Variants in DNAH14 observed in about 807,000 individuals in gnomAD.
The protein encoded by DNAH14 is axonemal beta dynein heavy chain 14.
DNAH14 carries 478 observed loss-of-function variants against 520.9 expected under a neutral mutation model. The observed-to-expected ratio is 0.92, with a 90% confidence interval of 0.85 to 0.99. DNAH14 has a LOEUF of 0.99. Ranked by LOEUF, DNAH14 falls within the 50% of genes least tolerant of loss-of-function variation. The pLI is 0.00. For synonymous variants in DNAH14, 1,581 were observed against 1,757.2 expected (o/e 0.90, Z 2.51); for missense variants, 4,831 against 5,234.5 (o/e 0.92, Z 2.38).
At chr1:225,093,465 C>T (rs1174642452) in intron 21 of DNAH14, among the ~76,000 whole-genome samples, 1 of 152,028 alleles carries the variant, frequency 6.6e-6, no homozygotes, top group East Asian at 1.9e-4. Flanking sequence ...ACAAACTAGG[C>T]TTTCAAGGAA....
At chr1:224,980,774 C>T (rs1448469128) in intron 8 of DNAH14, among the ~76,000 whole-genome samples, 1 of 152,056 alleles carries the variant, frequency 6.6e-6, no homozygotes, top group Admixed American at 6.5e-5. Context: ...AGTGAACATA[C>T]ATCCGACCCA....
In DNAH14 at chr1:225,117,932, C is replaced by G; in HGVS notation, c.4024C>G (p.Gln1342Glu). 1 of 1,551,354 alleles carries G rather than the reference C, an allele frequency of 6.4e-7. No homozygotes were observed. The highest frequency in any genetic ancestry group is 1.2e-5 in the South Asian group (1 of 84,034). ...TATAAAACAATTATTGATATGGAAA[C>G]AAGACATTGGCCCTCCTGCTGTAAA... ...ENIKQLLIWK[Q>E]DIGPPAVKML... Residue 1342 changes from glutamine (Q) to glutamate (E), a missense_variant, in exon 25 of 86, where the codon CAA (glutamine) becomes GAA (glutamate). Transcript: ENST00000682510.
intron 77 of DNAH14, among the ~76,000 whole-genome samples, chr1:225,370,739 G>C (rs989265555): frequency 6.6e-6 from 1 of 151,934 alleles, no homozygotes; most frequent in African/African-American, 2.4e-5. Context: ...TTCTTTATTA[G>C]CTGGAGTAAT....
At chr1:225,258,263 A>T in intron 45 of DNAH14, 145 bp downstream of exon 45, 1 of 791,508 alleles carries the variant, frequency 1.3e-6, no homozygotes, top group Non-Finnish European at 1.8e-6. Context: ...TCTTACCAGC[A>T]GTTTATGAAC....
At chr1:225,153,283 T>C (rs905152195) in intron 33 of DNAH14, among the ~76,000 whole-genome samples, 1 of 152,172 alleles carries the variant, frequency 6.6e-6, no homozygotes, top group East Asian at 1.9e-4. Context: ...TTTCTAATTC[T>C]GTACTTCTGG....
chr1:225,242,871 A>G (rs1396881059), intron 43 of DNAH14, among the ~76,000 whole-genome samples: 2 of 152,204 alleles, frequency 1.3e-5, no homozygotes, highest in African/African-American at 4.8e-5. Flanking sequence ...GATGACTATG[A>G]TGTCACTAGG....
At chr1:225,278,382 A>T (rs2093543434) in intron 54 of DNAH14, among the ~76,000 whole-genome samples, 1 of 152,182 alleles carries the variant, frequency 6.6e-6, no homozygotes, top group African/African-American at 2.4e-5. Flanking sequence ...ACAACTTGAA[A>T]AATGTATTTC....
In DNAH14 at chr1:224,960,252, A is replaced by T. The variant is rs749052696; in HGVS notation, c.317A>T (p.His106Leu). Residue 106 changes from histidine to leucine, a missense_variant, in exon 4 of 86, where the codon CAT (histidine) becomes CTT (leucine). Transcript: ENST00000682510. Reference sequence around the variant, plus strand: ...TCAAGGAGAAAAAAGGATCAAACTCATGCTTGTCCAAATGTTAGGAAAGCC... The same window carrying T: ...TCAAGGAGAAAAAAGGATCAAACTCTTGCTTGTCCAAATGTTAGGAAAGCC... ...GKSRRKKDQT[H>L]ACPNVRKARP... The T allele has an allele frequency of 4.3e-6, 7 of 1,611,578 alleles. No homozygotes were observed. In the South Asian group the frequency reaches 5.5e-5, roughly 13 times the overall value.
At chr1:225,271,273 T>TA (rs1243043245) in intron 50 of DNAH14, among the ~76,000 whole-genome samples, 1 of 152,182 alleles carries the variant, frequency 6.6e-6, no homozygotes, top group East Asian at 1.9e-4. Context: ...GGCATACAGG[T>TA]AGACTTTCTT....
At chr1:225,144,750 C>A in intron 29 of DNAH14, 122 bp downstream of exon 29, 1 of 720,944 alleles carries the variant, frequency 1.4e-6, no homozygotes, top group Non-Finnish European at 2.2e-6. Flanking sequence ...CAAGCACATT[C>A]ATTAACTCAC....
At chr1:225,288,925 A>T (rs2093806049) in intron 54 of DNAH14, among the ~76,000 whole-genome samples, 1 of 152,186 alleles carries the variant, frequency 6.6e-6, no homozygotes, top group Non-Finnish European at 1.5e-5. Context: ...AGTTTAACAT[A>T]GATTTACCAC....
At chr1:225,247,544 ATC>A (rs1307754279) in intron 43 of DNAH14, among the ~76,000 whole-genome samples, 1 of 152,176 alleles carries the variant, frequency 6.6e-6, no homozygotes, top group Admixed American at 6.5e-5. Flanking sequence ...TTTCAGAAGA[ATC>A]TCTCATTCTG....
chr1:225,203,536 GATAT>G (rs1200032845), intron 38 of DNAH14, among the ~76,000 whole-genome samples: 2 of 152,092 alleles, frequency 1.3e-5, no homozygotes, highest in African/African-American at 4.8e-5. Flanking sequence ...ATAAGCTGAT[GATAT>G]ATTACTCAGC....
At chr1:225,237,266 T>C (rs931645226) in intron 42 of DNAH14, among the ~76,000 whole-genome samples, 2 of 152,180 alleles carry the variant, frequency 1.3e-5, no homozygotes, top group Non-Finnish European at 2.9e-5. Context: ...ATTTTTTTTT[T>C]CTAGATTTAG....
chr1:225,348,479 G>A (rs1047770732), intron 71 of DNAH14, among the ~76,000 whole-genome samples: 1 of 152,120 alleles, frequency 6.6e-6, no homozygotes, highest in Non-Finnish European at 1.5e-5. Context: ...AAAGCAGCAA[G>A]AGAAAAGTTA....
At chr1:225,185,528 A>C in intron 37 of DNAH14, 103 bp downstream of exon 37, 1 of 1,214,986 alleles carries the variant, frequency 8.2e-7, no homozygotes, top group Non-Finnish European at 1.1e-6. Flanking sequence ...TTACTTATTA[A>C]ACTTATTGCT....
chr1:225,335,453 ATGCACGTGTGTACATGTGTGTGTATG>A lies in DNAH14; in HGVS notation c.10081-1812_10081-1787del, dbSNP rs2094947760. On this transcript the variant is annotated intron_variant, in intron 66 of 85. Transcript: ENST00000682510. ...TGTGTACATGTGTGTGTATGCACAT[ATGCACGTGTGTACATGTGTGTGTATG>A]CACATATACACGTGTGTACATGTAC... Among the ~76,000 whole-genome samples, 5 of 116,392 alleles carry A rather than the reference ATGCACGTGTGTACATGTGTGTGTATG, an allele frequency of 4.3e-5. 1 individual carries two copies. The highest frequency in any genetic ancestry group is 9.3e-5 in the African/African-American group (3 of 32,402). 76.4% of individuals were successfully genotyped at this position (116,392 alleles called of 152,430 possible).
At chr1:225,072,937 G>A (rs2071727784) in intron 17 of DNAH14, among the ~76,000 whole-genome samples, 1 of 152,066 alleles carries the variant, frequency 6.6e-6, no homozygotes, top group African/African-American at 2.4e-5. Flanking sequence ...GCAGGACATG[G>A]CTGGAGACCC....
chr1:225,337,100 A>G (rs2095073287), intron 66 of DNAH14, among the ~76,000 whole-genome samples, 166 bp from the exon 67 acceptor site: 1 of 152,158 alleles, frequency 6.6e-6, no homozygotes, highest in African/African-American at 2.4e-5. Flanking sequence ...ACCTTCCCAA[A>G]AATTTCATAT....
Sources: gnomAD v4.1 joint callset for allele counts (sites outside exome capture counted in the v4.1 genomes callset) on GRCh38, gnomAD v4.1.1 for gene constraint, MANE v1.5 for transcripts, NCBI Gene and HGNC (gene_info 2026-07-23, HGNC 2026-07-21) for gene names.